KIAA1217: variants seen among roughly 807,000 people sequenced by gnomAD.
The protein encoded by KIAA1217 is sickle tail protein homolog.
Under a neutral mutation model 163.9 loss-of-function variants are expected in KIAA1217, and 88 were observed. The observed-to-expected ratio is 0.54, with a 90% CI of 0.45 to 0.64. KIAA1217 has a LOEUF of 0.64. Ranked by LOEUF, KIAA1217 falls within the 30% of genes least tolerant of loss-of-function variation. The probability of loss-of-function intolerance (pLI) is 0.00; values close to 1 mark genes in which losing one functional copy is unlikely to be tolerated. For missense variants in KIAA1217, 2,372 were observed against 2,475.0 expected (o/e 0.96, Z 0.88); for synonymous variants, 903 against 923.1 (o/e 0.98, Z 0.39).
chr10:23,743,339 T>C (rs1839220593), intron 1 of KIAA1217, among the ~76,000 whole-genome samples: 1 of 152,192 alleles, frequency 6.6e-6, no homozygotes, highest in Admixed American at 6.5e-5. Flanking sequence ...GTTTTCTTAT[T>C]TCTTTTGCAA....
Position 24,089,122 on chromosome 10 carries a change from G to A in KIAA1217, c.-171+81748G>A, listed in dbSNP as rs145106422. On this transcript the variant is annotated intron_variant, in intron 2 of 18. Coordinates refer to the KIAA1217 transcript ENST00000376462. ...TGAGAAGTGTCTGTTCATATCCTTC[G>A]CCCAGTTGCTGATGGGGTTGTTTGT... Among the ~76,000 whole-genome samples, 287 of 124,972 alleles carry A rather than the reference G, an allele frequency of 2.3e-3. 42 individuals carry two copies. The East Asian group carries it at 0.031, about 13-fold the overall frequency. 82.0% of individuals were successfully genotyped at this position (124,972 alleles called of 152,430 possible).
intron 1 of KIAA1217, among the ~76,000 whole-genome samples, chr10:23,719,315 T>C (rs991013434): frequency 6.6e-6 from 1 of 152,228 alleles, no homozygotes. Flanking sequence ...GTGCCGTGGC[T>C]CATGCCTGTA....
At chr10:23,856,011 C>T (rs1056034907) in intron 1 of KIAA1217, among the ~76,000 whole-genome samples, 5 of 152,338 alleles carry the variant, frequency 3.3e-5, no homozygotes, top group Admixed American at 6.5e-5. Flanking sequence ...TCTCTCAACT[C>T]GTGAAAGTCA....
At chr10:24,067,067 A>G (rs1053010202) in intron 2 of KIAA1217, among the ~76,000 whole-genome samples, 1 of 151,958 alleles carries the variant, frequency 6.6e-6, no homozygotes, top group Non-Finnish European at 1.5e-5. Context: ...AAAGTTTTTA[A>G]CTTCTTTGCC....
At chr10:23,856,395 T>G (rs1013352292) in intron 1 of KIAA1217, among the ~76,000 whole-genome samples, 2 of 152,146 alleles carry the variant, frequency 1.3e-5, no homozygotes, top group African/African-American at 2.4e-5. Flanking sequence ...AGAGTACCCG[T>G]CTGTGTGAGG....
chr10:23,716,492 A>T (rs1474393194), intron 1 of KIAA1217, among the ~76,000 whole-genome samples: 1 of 152,186 alleles, frequency 6.6e-6, no homozygotes. Flanking sequence ...ATATACAGTC[A>T]TACCTACCTG....
At chr10:24,169,535 A>G (rs2065521851) in intron 2 of KIAA1217, among the ~76,000 whole-genome samples, 4 of 152,244 alleles carry the variant, frequency 2.6e-5, no homozygotes, top group Non-Finnish European at 5.9e-5. Flanking sequence ...CCCTGCCATA[A>G]CTGAATACCT....
At chr10:24,404,293 G>T (rs1408441364) in intron 3 of KIAA1217, among the ~76,000 whole-genome samples, 1 of 152,106 alleles carries the variant, frequency 6.6e-6, no homozygotes, top group Non-Finnish European at 1.5e-5. Flanking sequence ...AGTGGGCCGG[G>T]TGCGGTGGCT....
chr10:24,521,042 G>GTTTTTTT (rs35646554), intron 11 of KIAA1217, among the ~76,000 whole-genome samples: 1 of 111,450 alleles, frequency 9.0e-6, no homozygotes, highest in African/African-American at 3.7e-5. Flanking sequence ...AAAAAAAAAA[G>GTTTTTTT]TTTTTTTTTT....
chr10:23,872,802 A>C (rs1564495554), intron 1 of KIAA1217, among the ~76,000 whole-genome samples: 1 of 151,990 alleles, frequency 6.6e-6, no homozygotes, highest in Non-Finnish European at 1.5e-5. Context: ...ATTTATATAC[A>C]CTTAATTTTT....
intron 6 of KIAA1217, among the ~76,000 whole-genome samples, chr10:24,489,894 A>C (rs1420657017): frequency 6.6e-6 from 1 of 150,974 alleles, no homozygotes; most frequent in East Asian, 1.9e-4. Context: ...AAGGTTCTAT[A>C]AATGGAGTCA....
At chr10:24,471,137 C>G (rs2063469334) in intron 5 of KIAA1217, among the ~76,000 whole-genome samples, 1 of 152,166 alleles carries the variant, frequency 6.6e-6, no homozygotes, top group East Asian at 1.9e-4. Flanking sequence ...CATTTTCAAC[C>G]TTCTCCTGGT....
chr10:23,811,708 T>A (rs1258419101), intron 1 of KIAA1217, among the ~76,000 whole-genome samples: 2 of 151,890 alleles, frequency 1.3e-5, no homozygotes, highest in Admixed American at 1.3e-4. Context: ...AGTGGGAGAC[T>A]GGAACATGAA....
At chr10:24,279,297 G>T (rs2077655527) in intron 2 of KIAA1217, among the ~76,000 whole-genome samples, 2 of 150,446 alleles carry the variant, frequency 1.3e-5, no homozygotes, top group Non-Finnish European at 3.0e-5. Flanking sequence ...TTTAAAAAAA[G>T]ATCTGCAGAG....
At chr10:24,192,978 T>C (rs2066796694) in intron 2 of KIAA1217, among the ~76,000 whole-genome samples, 1 of 151,992 alleles carries the variant, frequency 6.6e-6, no homozygotes, top group Non-Finnish European at 1.5e-5. Flanking sequence ...GATGGAGTCT[T>C]GCTATGTTGC....
chr10:24,036,681 C>T (rs980328819), intron 2 of KIAA1217, among the ~76,000 whole-genome samples: 2 of 152,050 alleles, frequency 1.3e-5, no homozygotes, highest in East Asian at 1.9e-4. Flanking sequence ...AAGAGAGAGA[C>T]GGGAGGGCCC....
intron 2 of KIAA1217, among the ~76,000 whole-genome samples, chr10:24,031,692 T>A (rs1468677986): frequency 6.6e-6 from 1 of 151,196 alleles, no homozygotes; most frequent in African/African-American, 2.4e-5. Context: ...TTTCACTGTT[T>A]GTGTGTGTGT....
chr10:23,741,381 T>C (rs959975506), intron 1 of KIAA1217, among the ~76,000 whole-genome samples: 2 of 152,146 alleles, frequency 1.3e-5, no homozygotes, highest in Admixed American at 1.3e-4. Context: ...TTCTTCTCTC[T>C]TTTCCTTATT....
intron 1 of KIAA1217, among the ~76,000 whole-genome samples, chr10:23,900,899 A>G (rs923996139): frequency 1.3e-5 from 2 of 152,124 alleles, no homozygotes; most frequent in Non-Finnish European, 2.9e-5. Flanking sequence ...ATTAATAATA[A>G]CACATATCCT....
Sources: gnomAD v4.1 joint callset for allele counts (sites outside exome capture counted in the v4.1 genomes callset) on GRCh38, gnomAD v4.1.1 for gene constraint, MANE v1.5 for transcripts, NCBI Gene and HGNC (gene_info 2026-07-23, HGNC 2026-07-21) for gene names.